Variants in MIPOL1 observed in about 807,000 individuals in gnomAD.
The protein encoded by MIPOL1 is mirror-image polydactyly gene 1 protein.
A neutral mutation model predicts 60.9 loss-of-function variants in MIPOL1; 57 were observed. The observed-to-expected ratio is 0.94, with a 90% CI of 0.76 to 1.17. The LOEUF is 1.17. Among genes scored for constraint, MIPOL1 ranks in the 50% most tolerant of loss-of-function variants. MIPOL1 has a pLI of 0.00. For synonymous variants in MIPOL1, 179 were observed against 168.8 expected, an observed-to-expected ratio of 1.06 and a Z score of -0.47; for missense variants, 551 against 511.6, an observed-to-expected ratio of 1.08 and a Z score of -0.74.
intron 1 of MIPOL1, among the ~76,000 whole-genome samples, chr14:37,215,710 A>C (rs920887228): frequency 2.6e-5 from 4 of 152,172 alleles, no homozygotes; most frequent in Admixed American, 2.6e-4. Context: ...TGATGAAAAA[A>C]CAAGACCTGT....
intron 7 of MIPOL1, 137 bp from the exon 8 acceptor site, chr14:37,307,919 A>G (rs553856983): frequency 1.2e-5 from 8 of 663,796 alleles, no homozygotes; most frequent in Middle Eastern, 2.6e-4. Context: ...TGGCACTTTA[A>G]TATGTTCAGT....
chr14:37,499,796 GTATT>G (rs1421813152), intron 11 of MIPOL1, 108 bp from the exon 12 acceptor site: 4 of 506,670 alleles, frequency 7.9e-6, no homozygotes, highest in Admixed American at 7.3e-5. Flanking sequence ...GCTCATTTAA[GTATT>G]TATTGATTTT....
chr14:37,383,948 G>C (rs1184309428), intron 10 of MIPOL1, among the ~76,000 whole-genome samples: 1 of 151,774 alleles, frequency 6.6e-6, no homozygotes, highest in East Asian at 1.9e-4. Context: ...CATCATGGCA[G>C]AGGAAGAAAT....
chr14:37,215,957 A>C (rs984131642), intron 1 of MIPOL1, among the ~76,000 whole-genome samples: 1 of 151,638 alleles, frequency 6.6e-6, no homozygotes, highest in African/African-American at 2.4e-5. Flanking sequence ...AACCCCAGCT[A>C]CCCAGCTGAG....
chr14:37,437,319 T>G (rs183715609), intron 11 of MIPOL1, among the ~76,000 whole-genome samples: 159 of 152,276 alleles, frequency 1.0e-3, no homozygotes, highest in Non-Finnish European at 1.8e-3. Context: ...TTTTATTCAA[T>G]GTTAATCTGA....
At chr14:37,437,251 A>T (rs537540844) in intron 11 of MIPOL1, among the ~76,000 whole-genome samples, 1 of 152,142 alleles carries the variant, frequency 6.6e-6, no homozygotes, top group African/African-American at 2.4e-5. Context: ...TTCAGTTACT[A>T]TGTAAAGCAA....
intron 11 of MIPOL1, among the ~76,000 whole-genome samples, chr14:37,458,022 C>G (rs1256936644): frequency 6.6e-6 from 1 of 151,344 alleles, no homozygotes; most frequent in African/African-American, 2.4e-5. Flanking sequence ...CAAAAATGAG[C>G]AAGAGTAGCT....
chr14:37,210,235 A>G (rs939617147), intron 1 of MIPOL1, among the ~76,000 whole-genome samples: 2 of 151,680 alleles, frequency 1.3e-5, no homozygotes, highest in African/African-American at 2.4e-5. Flanking sequence ...GTACTTGGAG[A>G]TAGTGTCAGA....
At chr14:37,331,332 T>A (rs1001208575) in intron 9 of MIPOL1, among the ~76,000 whole-genome samples, 1 of 152,120 alleles carries the variant, frequency 6.6e-6, no homozygotes, top group African/African-American at 2.4e-5. Flanking sequence ...ATTGAATCTG[T>A]AGGTTGCTTT....
chr14:37,213,605 G>A (rs918309880), intron 1 of MIPOL1, among the ~76,000 whole-genome samples: 2 of 152,122 alleles, frequency 1.3e-5, no homozygotes, highest in African/African-American at 2.4e-5. Flanking sequence ...AATCTAAGAG[G>A]TATTGGCCTT....
rs970406145 is a variant in MIPOL1, at chr14:37,551,259, A to T, written c.*4288A>T. 3 of 152,114 alleles carry T rather than the reference A, an allele frequency of 2.0e-5. No individual in the cohort carries two copies. The highest frequency in any genetic ancestry group is 4.4e-5 in the Non-Finnish European group (3 of 67,986). The allele number at this position is 152,114 out of a possible 1,614,324, so 9.4% of individuals were successfully genotyped here. A position where few individuals can be genotyped will look rare whatever the true frequency, so the allele number is the denominator to read the frequency against. On this transcript the variant is annotated 3_prime_UTR_variant, in exon 13 of 13. Transcript: ENST00000684589. ...AATAAAATCCCCTATTGCAAATCCT[A>T]TACATATTTCAATGCAATTCTTATA...
At chr14:37,494,431 A>G (rs887996559) in intron 11 of MIPOL1, among the ~76,000 whole-genome samples, 2 of 152,200 alleles carry the variant, frequency 1.3e-5, no homozygotes, top group African/African-American at 4.8e-5. Context: ...CTGGATAAGT[A>G]AGACTTTGTC....
chr14:37,472,982 T>C (rs2094712199), intron 11 of MIPOL1, among the ~76,000 whole-genome samples: 1 of 152,142 alleles, frequency 6.6e-6, no homozygotes, highest in African/African-American at 2.4e-5. Flanking sequence ...TTAGGTCCAA[T>C]TTAGACACTG....
At chr14:37,359,017 A>G (rs531820900) in intron 9 of MIPOL1, among the ~76,000 whole-genome samples, 98 of 152,214 alleles carry the variant, frequency 6.4e-4, no homozygotes, top group African/African-American at 8.9e-4. Flanking sequence ...TGTATAAGGT[A>G]TAAGGAAGGG....
chr14:37,214,994 G>C (rs1967371795), intron 1 of MIPOL1, among the ~76,000 whole-genome samples: 1 of 152,252 alleles, frequency 6.6e-6, no homozygotes, highest in African/African-American at 2.4e-5. Context: ...TCCCTGTGAT[G>C]CTGTGCTTCA....
chr14:37,545,784 C>T (rs1313172992), intron 12 of MIPOL1: 3 of 544,364 alleles, frequency 5.5e-6, no homozygotes, highest in Non-Finnish European at 9.8e-6. Context: ...TTGTATGACA[C>T]TAAGAATACC....
chr14:37,510,802 G>T (rs2095322100), intron 12 of MIPOL1, among the ~76,000 whole-genome samples: 1 of 151,982 alleles, frequency 6.6e-6, no homozygotes, highest in South Asian at 2.1e-4. Flanking sequence ...TCTGCTTTAG[G>T]CCCATGACAA....
intron 1 of MIPOL1, among the ~76,000 whole-genome samples, chr14:37,222,098 A>G (rs917461114): frequency 6.6e-6 from 1 of 152,214 alleles, no homozygotes; most frequent in Non-Finnish European, 1.5e-5. Flanking sequence ...AACAAGCTAT[A>G]TGCTTTTTAA....
At chr14:37,363,841 C>T (rs898079743) in intron 9 of MIPOL1, among the ~76,000 whole-genome samples, 10 of 152,232 alleles carry the variant, frequency 6.6e-5, no homozygotes, top group African/African-American at 1.7e-4. Context: ...TCAGTAATGG[C>T]GGATACCCCT....
Sources: gnomAD v4.1 joint callset for allele counts (sites outside exome capture counted in the v4.1 genomes callset) on GRCh38, gnomAD v4.1.1 for gene constraint, MANE v1.5 for transcripts, NCBI Gene and HGNC (gene_info 2026-07-23, HGNC 2026-07-21) for gene names.